The following VPS13A variants were observed in gnomAD, a reference collection of about 807,000 sequenced individuals.
VPS13A encodes the protein intermembrane lipid transfer protein VPS13A.
VPS13A carries 264 observed loss-of-function variants against 390.9 expected under a neutral mutation model. That is an observed-to-expected ratio of 0.68 (90% CI 0.61 to 0.75). VPS13A has a LOEUF of 0.75. VPS13A is among the 30% of genes least tolerant of loss of function. The pLI, the probability that VPS13A is intolerant of heterozygous loss-of-function variation, is 0.00. For synonymous variants in VPS13A, 1,231 were observed against 1,227.1 expected (o/e 1.00, Z -0.07); for missense variants, 3,409 against 3,733.9 (o/e 0.91, Z 2.27).
intron 22 of VPS13A, among the ~76,000 whole-genome samples, chr9:77,258,652 G>A (rs768285241): frequency 2.6e-5 from 4 of 151,932 alleles, no homozygotes; most frequent in Admixed American, 1.3e-4. Flanking sequence ...TTTAGATATG[G>A]TTCAATTTAA....
At chr9:77,377,585 C>T (rs1833174866) in intron 67 of VPS13A, among the ~76,000 whole-genome samples, 1 of 152,108 alleles carries the variant, frequency 6.6e-6, no homozygotes, top group Non-Finnish European at 1.5e-5. Flanking sequence ...ATTTGAGTTT[C>T]TGCAATCTTA....
At chr9:77,349,426 T>G (rs1831335331) in intron 52 of VPS13A, among the ~76,000 whole-genome samples, 1 of 152,170 alleles carries the variant, frequency 6.6e-6, no homozygotes, top group South Asian at 2.1e-4. Context: ...TGATACCCAA[T>G]AGGTAGTTTT....
chr9:77,261,427 T>C (rs1467861210), intron 23 of VPS13A, among the ~76,000 whole-genome samples: 1 of 151,982 alleles, frequency 6.6e-6, no homozygotes, highest in Non-Finnish European at 1.5e-5. Flanking sequence ...TTTACAGTTA[T>C]GAAAAATACT....
At chr9:77,404,259 G>A (rs1482955514) in intron 69 of VPS13A, among the ~76,000 whole-genome samples, 3 of 152,026 alleles carry the variant, frequency 2.0e-5, no homozygotes, top group Non-Finnish European at 4.4e-5. Context: ...TGCCTCTACA[G>A]GTAGACATAC....
rs574751866 is a variant in VPS13A at position 77,371,324 on chromosome 9, G to A, written c.9077+175G>A. On this transcript the variant is annotated intron_variant, in intron 67 of 71. Transcript: ENST00000360280. ...AATGAACAGAAATTTATTGGCTCACGGTTCTGAAAGTTAAGAAGTCCAAGA... is the reference window on the plus strand; with the variant it reads ...AATGAACAGAAATTTATTGGCTCACAGTTCTGAAAGTTAAGAAGTCCAAGA... 6.6e-5 allele frequency among the ~76,000 whole-genome samples: 10 copies of A among 152,240 alleles called. No individual in the cohort carries two copies. The South Asian group carries it at 1.0e-3, about 16-fold the overall frequency.
chr9:77,417,100 AAG>A lies in VPS13A; in HGVS notation c.*1096_*1097del, dbSNP rs1373310860. ...AGGTTTTCTTTCTTGGTTTTTGTCCAAGATCTTTGCACCTTAATATTAATGGA... is the reference window on the plus strand; with the variant it reads ...AGGTTTTCTTTCTTGGTTTTTGTCCAATCTTTGCACCTTAATATTAATGGA... On this transcript the variant is annotated 3_prime_UTR_variant, in exon 72 of 72. Coordinates refer to ENST00000360280, the MANE Select transcript of VPS13A (RefSeq NM_033305.3). The A allele has an allele frequency of 1.3e-5, 2 of 152,210 alleles. No homozygotes were observed. Among genetic ancestry groups the A allele is most frequent in the Non-Finnish European group, 2.9e-5 (2 of 68,040 alleles). 9.4% of individuals were successfully genotyped at this position (152,210 alleles called of 1,614,324 possible).
At chr9:77,304,942 CTTT>C (rs577555061) in intron 34 of VPS13A, among the ~76,000 whole-genome samples, 2 of 141,730 alleles carry the variant, frequency 1.4e-5, no homozygotes, top group Non-Finnish European at 1.5e-5. Flanking sequence ...GACTTTTTTT[CTTT>C]TTTTTTTTTT....
chr9:77,415,861 ACTATAAAG>A (rs1835151034), intron 71 of VPS13A, 87 bp from the exon 72 acceptor site: 8 of 1,459,842 alleles, frequency 5.5e-6, no homozygotes, highest in Non-Finnish European at 7.6e-6. Flanking sequence ...ACCTAACTAA[ACTATAAAG>A]CTAACTTCTA....
chr9:77,248,216 TC>T (rs1824937465), intron 20 of VPS13A, among the ~76,000 whole-genome samples: 1 of 151,842 alleles, frequency 6.6e-6, no homozygotes, highest in Non-Finnish European at 1.5e-5. Context: ...TCCCTTTTTT[TC>T]TTTCTTTTTT....
intron 35 of VPS13A, among the ~76,000 whole-genome samples, chr9:77,312,283 T>C (rs1408855766): frequency 1.3e-5 from 2 of 152,212 alleles, no homozygotes; most frequent in African/African-American, 4.8e-5. Context: ...TTGATGTATG[T>C]ATCTTTTATC....
chr9:77,298,999 C>G (rs1041403567), intron 33 of VPS13A, among the ~76,000 whole-genome samples: 12 of 152,166 alleles, frequency 7.9e-5, no homozygotes, highest in Non-Finnish European at 1.8e-4. Context: ...TTTCCCAACA[C>G]TATTTATTAA....
rs201145422 is a variant in VPS13A at position 77,220,110 on chromosome 9, G to T, written c.882+29G>T. ...ATTTTCTTTAATATAATTTTCAATT[G>T]TGAATTATTGTTTGATAAAAGCAAA... is the stretch of plus-strand genomic sequence containing the variant. On this transcript the variant is annotated intron_variant, in intron 11 of 71. Coordinates refer to ENST00000360280, the MANE Select transcript of VPS13A (RefSeq NM_033305.3). 1.4e-4 allele frequency: 225 copies of T among 1,583,514 alleles called. 3 individuals carry two copies. The Admixed American group carries it at 3.7e-3, about 26-fold the overall frequency.
rs763510106 is a variant in VPS13A at position 77,370,527 on chromosome 9, A to G, written c.8856A>G (p.Gln2952=). The part of the protein sequence containing the change: ...QQKRREAMNK[Q]PAGFREGITR... ...AGAGAAGAGAAGCCATGAATAAGCA[A>G]CCAGCTGGTTTTAGAGAAGGCATCA... The change falls in exon 65 of 72, where the codon CAA becomes CAG. Residue 2952 remains glutamine (Q), a synonymous_variant. Transcript: ENST00000360280. 5 of 1,614,058 alleles carry G rather than the reference A, an allele frequency of 3.1e-6. No homozygotes were observed. In the Admixed American group the frequency reaches 6.7e-5, roughly 22 times the overall value.
At chr9:77,342,244 A>G (rs1162274252) in intron 50 of VPS13A, among the ~76,000 whole-genome samples, 1 of 152,222 alleles carries the variant, frequency 6.6e-6, no homozygotes, top group African/African-American at 2.4e-5. Flanking sequence ...TTACTGTGAT[A>G]GTACAGATTG....
At chr9:77,240,376 C>T (rs763149185) in intron 19 of VPS13A, among the ~76,000 whole-genome samples, 9 of 151,462 alleles carry the variant, frequency 5.9e-5, no homozygotes, top group African/African-American at 7.3e-5. Flanking sequence ...TGTGAGCCAT[C>T]GGACCTGGCC....
At chr9:77,204,482 A>G (rs536159218) in intron 3 of VPS13A, among the ~76,000 whole-genome samples, 18 of 151,670 alleles carry the variant, frequency 1.2e-4, no homozygotes, top group Middle Eastern at 3.4e-3. Context: ...TTATTACTTT[A>G]TGTGTAGTTT....
chr9:77,209,662 C>T (rs1825863541), intron 6 of VPS13A, 130 bp downstream of exon 6: 1 of 645,394 alleles, frequency 1.5e-6, no homozygotes, highest in Non-Finnish European at 2.7e-6. Flanking sequence ...ATGATGTGAT[C>T]CTTCTTTTCT....
chr9:77,237,972 G>C, intron 17 of VPS13A, 30 bp from the exon 18 acceptor site: 5 of 1,507,186 alleles, frequency 3.3e-6, no homozygotes, highest in Non-Finnish European at 4.6e-6. Flanking sequence ...TTTACTGATC[G>C]CTGACTTTTT....
At chr9:77,374,220 C>T (rs1195301438) in intron 67 of VPS13A, among the ~76,000 whole-genome samples, 1 of 152,102 alleles carries the variant, frequency 6.6e-6, no homozygotes, top group Admixed American at 6.5e-5. Flanking sequence ...TTGGACAGTA[C>T]TTAGCCCTAT....
Sources: gnomAD v4.1 joint callset for allele counts (sites outside exome capture counted in the v4.1 genomes callset) on GRCh38, gnomAD v4.1.1 for gene constraint, MANE v1.5 for transcripts, NCBI Gene and HGNC (gene_info 2026-07-23, HGNC 2026-07-21) for gene names.